CSMD1: variants seen among roughly 807,000 people sequenced by gnomAD.
CSMD1 encodes CUB and Sushi multiple domains 1, also known as CUB and sushi domain-containing protein 1.
CSMD1 carries 213 observed loss-of-function variants against 417.5 expected under a neutral mutation model. That is an observed-to-expected ratio of 0.51 (90% confidence interval 0.46 to 0.57). CSMD1 has a LOEUF of 0.57. CSMD1 is among the 20% of genes least tolerant of loss of function. The pLI, the probability that CSMD1 is intolerant of heterozygous loss-of-function variation, is 0.00. For synonymous variants in CSMD1, 2,862 were observed against 1,736.8 expected, an observed-to-expected ratio of 1.65 and a Z score of -16.11; for missense variants, 6,923 against 4,529.7, an observed-to-expected ratio of 1.53 and a Z score of -15.17.
chr8:3,360,005 C>G (rs1295702339), intron 20 of CSMD1, among the ~76,000 whole-genome samples: 2 of 152,090 alleles, frequency 1.3e-5, no homozygotes, highest in Non-Finnish European at 2.9e-5. Flanking sequence ...TTACTGTATC[C>G]CTCCCAAAGG....
intron 1 of CSMD1, among the ~76,000 whole-genome samples, chr8:4,648,930 A>G (rs933599528): frequency 6.6e-6 from 1 of 152,190 alleles, no homozygotes; most frequent in African/African-American, 2.4e-5. Context: ...TCAGTCTGCA[A>G]TGAAGCCAGC....
chr8:4,924,745 A>AAC lies in CSMD1; in HGVS notation c.85+69586_85+69587insGT, dbSNP rs869281900. Among the ~76,000 whole-genome samples, 549 of 149,552 alleles carry AAC rather than the reference A, an allele frequency of 3.7e-3. 2 individuals are homozygous for AAC. Among genetic ancestry groups the AAC allele is most frequent in the African/African-American group, 0.013 (521 of 40,324 alleles). Reference sequence around the variant, plus strand: ...CTCAAAAAAAAAAAAAAAAAAAAAAACCTACAAAAAACTTTTATAAACATT... The same window carrying AAC: ...CTCAAAAAAAAAAAAAAAAAAAAAAAACCCTACAAAAAACTTTTATAAACATT... On this transcript the variant is annotated intron_variant, in intron 1 of 69. Coordinates refer to ENST00000635120, the MANE Select transcript of CSMD1 (RefSeq NM_033225.6).
At chr8:3,913,310 G>A (rs984305685) in intron 5 of CSMD1, among the ~76,000 whole-genome samples, 1 of 152,050 alleles carries the variant, frequency 6.6e-6, no homozygotes, top group Non-Finnish European at 1.5e-5. Flanking sequence ...GAGGACCATC[G>A]ACCTGCTCAG....
chr8:4,048,155 C>A (rs17068754), intron 3 of CSMD1, among the ~76,000 whole-genome samples: 1 of 152,166 alleles, frequency 6.6e-6, no homozygotes, highest in African/African-American at 2.4e-5. Flanking sequence ...AATGAATGTA[C>A]GCAGTCAGAC....
At position 3,457,021 on chromosome 8, in the gene CSMD1, C is replaced by T. The variant is rs527634989; in HGVS notation, c.1561+11691G>A. Among the ~76,000 whole-genome samples the T allele has an allele frequency of 3.8e-4, 57 of 151,990 alleles. No individual in the cohort carries two copies. In the South Asian group the frequency reaches 0.012, roughly 32 times the overall value. ...GTACTCCTTCCCTTGCACATCTCAT[C>T]CTGGACCCCTTCACCTGTACCCCTC... On this transcript the variant is annotated intron_variant, in intron 12 of 69. Coordinates refer to ENST00000635120, the MANE Select transcript of CSMD1 (RefSeq NM_033225.6).
chr8:3,658,464 G>GTATATATATA (rs113956125), intron 7 of CSMD1, among the ~76,000 whole-genome samples: 14,538 of 143,960 alleles, frequency 0.1, 939 homozygotes, highest in Non-Finnish European at 0.14. Context: ...TATATATATT[G>GTATATATATA]TGTATATATA....
At chr8:3,073,532 G>C (rs1398533021) in intron 49 of CSMD1, among the ~76,000 whole-genome samples, 1 of 152,126 alleles carries the variant, frequency 6.6e-6, no homozygotes, top group East Asian at 1.9e-4. Context: ...AAAATTAGTA[G>C]CTCTATGTAT....
At chr8:4,368,105 C>T (rs1396414908) in intron 3 of CSMD1, among the ~76,000 whole-genome samples, 1 of 152,098 alleles carries the variant, frequency 6.6e-6, no homozygotes, top group African/African-American at 2.4e-5. Flanking sequence ...AAGGGGAGTG[C>T]TTCTAGCTTT....
At position 4,727,438 on chromosome 8, in the gene CSMD1, C is replaced by T. The variant is rs934764936; in HGVS notation, c.86-89880G>A. Among the ~76,000 whole-genome samples the T allele has an allele frequency of 5.9e-5, 9 of 152,162 alleles. No homozygotes were observed. In the South Asian group the frequency reaches 1.2e-3, roughly 21 times the overall value. The stretch of plus-strand genomic sequence containing the variant: ...CCATAAGTCAGTCCCTGGAATTATG[C>T]GTAAGATAGTTCTAAAAGACTGGGG... On this transcript the variant is annotated intron_variant, in intron 1 of 69. Transcript: ENST00000635120.
At chr8:4,957,638 G>A (rs7464891) in intron 1 of CSMD1, among the ~76,000 whole-genome samples, 109,351 of 152,066 alleles carry the variant, frequency 0.72, 39,666 homozygotes, top group Non-Finnish European at 0.75. Context: ...AATAAATGAT[G>A]TTTACCATTC....
intron 8 of CSMD1, among the ~76,000 whole-genome samples, chr8:3,598,731 G>A (rs928826414): frequency 6.6e-6 from 1 of 152,166 alleles, no homozygotes; most frequent in Non-Finnish European, 1.5e-5. Flanking sequence ...GCTCCAGGTA[G>A]TGATTTGTAA....
intron 2 of CSMD1, among the ~76,000 whole-genome samples, chr8:4,541,630 C>T (rs1229911222): frequency 2.0e-5 from 3 of 151,994 alleles, no homozygotes; most frequent in African/African-American, 7.2e-5. Flanking sequence ...CACCTGTAAT[C>T]CCAACTACTC....
At chr8:3,662,847 G>C (rs1798489400) in intron 7 of CSMD1, among the ~76,000 whole-genome samples, 1 of 152,052 alleles carries the variant, frequency 6.6e-6, no homozygotes, top group Non-Finnish European at 1.5e-5. Context: ...GGTGGGTAGG[G>C]GGAAAGAGGG....
At chr8:3,644,718 G>A (rs920804957) in intron 7 of CSMD1, among the ~76,000 whole-genome samples, 38 of 152,012 alleles carry the variant, frequency 2.5e-4, no homozygotes, top group Non-Finnish European at 4.0e-4. Flanking sequence ...GTTTATTTGT[G>A]GGGCCTGTCA....
chr8:3,011,653 G>A lies in CSMD1; in HGVS notation c.8029+6824C>T, dbSNP rs543157377. On this transcript the variant is annotated intron_variant, in intron 52 of 69. Coordinates refer to ENST00000635120, the MANE Select transcript of CSMD1 (RefSeq NM_033225.6). ...AAACAATCTAATAAAAAATGATAAT[G>A]TCCTCTATGTGGGAAATAACTCAAG... 2.6e-5 allele frequency among the ~76,000 whole-genome samples: 4 copies of A among 152,222 alleles called. No homozygotes were observed. The East Asian group carries it at 7.8e-4, about 30-fold the overall frequency.
At chr8:4,128,123 G>C (rs756459533) in intron 3 of CSMD1, among the ~76,000 whole-genome samples, 3 of 152,080 alleles carry the variant, frequency 2.0e-5, no homozygotes, top group Non-Finnish European at 2.9e-5. Context: ...ACACTGTCAG[G>C]CCAGCACTCC....
chr8:4,728,827 G>A (rs1015531769), intron 1 of CSMD1, among the ~76,000 whole-genome samples: 1 of 151,804 alleles, frequency 6.6e-6, no homozygotes, highest in South Asian at 2.1e-4. Context: ...AAAACACCTC[G>A]AAACAAAAAG....
At chr8:3,737,247 A>G (rs4338130) in intron 6 of CSMD1, among the ~76,000 whole-genome samples, 22,573 of 152,102 alleles carry the variant, frequency 0.15, 1,932 homozygotes, top group African/African-American at 0.24. Context: ...AGATAAGCCG[A>G]TTGGGAGTAA....
chr8:4,241,636 A>G (rs1411091331), intron 3 of CSMD1, among the ~76,000 whole-genome samples: 1 of 152,220 alleles, frequency 6.6e-6, no homozygotes, highest in Non-Finnish European at 1.5e-5. Flanking sequence ...AAATAATTCA[A>G]TGATCAAAAT....
Sources: gnomAD v4.1 joint callset for allele counts (sites outside exome capture counted in the v4.1 genomes callset) on GRCh38, gnomAD v4.1.1 for gene constraint, MANE v1.5 for transcripts, NCBI Gene and HGNC (gene_info 2026-07-23, HGNC 2026-07-21) for gene names.